LRRC9: variants seen among roughly 807,000 people sequenced by gnomAD.
LRRC9 encodes the protein leucine-rich repeat-containing protein 9.
A neutral mutation model predicts 63.2 loss-of-function variants in LRRC9; 122 were observed. The observed-to-expected ratio is 1.93, with a 90% CI of 1.67 to 2.24. The LOEUF (loss-of-function observed/expected upper bound fraction) is 2.24, where lower values mean the gene tolerates loss of function less well. Ranked by LOEUF, LRRC9 falls within the 30% of genes most tolerant of loss-of-function variation. The pLI, the probability that LRRC9 is intolerant of heterozygous loss-of-function variation, is 0.00. For synonymous variants in LRRC9, 366 were observed against 213.1 expected, an observed-to-expected ratio of 1.72 and a Z score of -6.25; for missense variants, 1,071 against 627.7, an observed-to-expected ratio of 1.71 and a Z score of -7.55.
chr14:59,971,983 C>T (rs549592691), intron 12 of LRRC9, among the ~76,000 whole-genome samples: 1 of 152,112 alleles, frequency 6.6e-6, no homozygotes, highest in Non-Finnish European at 1.5e-5. Flanking sequence ...TCAGTAGCTT[C>T]GCATTACATG....
In LRRC9 at chr14:59,990,475, A is replaced by G. The variant is rs2140143858; in HGVS notation, c.2211+5251A>G. 6.6e-6 allele frequency among the ~76,000 whole-genome samples: 1 copy of G among 151,992 alleles called. No homozygotes were observed. The highest frequency in any genetic ancestry group is 1.9e-4 in the East Asian group (1 of 5,176). On this transcript the variant is annotated intron_variant, in intron 17 of 31. Transcript: ENST00000445360. The surrounding 1 kb of genome is among the most constrained non-coding windows in gnomAD (Gnocchi z 4.2). ...CTGGAATGCAATGGCATAATCATAG[A>G]GTACACTGCAGCCTCAACTTCCTGG... is the stretch of plus-strand genomic sequence containing the variant.
chr14:59,986,153 A>T lies in LRRC9; in HGVS notation c.2211+929A>T, dbSNP rs1489736698. Among the ~76,000 whole-genome samples, 1 of 152,202 alleles carries T rather than the reference A, an allele frequency of 6.6e-6. No individual in the cohort carries two copies. The highest frequency in any genetic ancestry group is 1.5e-5 in the Non-Finnish European group (1 of 68,020). ...TTGTGTTTGCCTTCTTGTATATCAT[A>T]GGACAATACAGGAATGCACATGTAC... On this transcript the variant is annotated intron_variant, in intron 17 of 31. Transcript: ENST00000445360. This position sits in a 1 kb window ranked among gnomAD's most constrained non-coding sequence, Gnocchi z 4.7.
intron 24 of LRRC9, 38 bp from the exon 25 acceptor site, chr14:60,018,333 A>G (rs1171540940): frequency 2.9e-6 from 2 of 698,920 alleles, no homozygotes; most frequent in Middle Eastern, 2.3e-4. Flanking sequence ...TTCCTGTCCT[A>G]TTAAAATAAT....
chr14:59,972,107 A>G (rs1447268412), intron 12 of LRRC9, among the ~76,000 whole-genome samples: 1 of 152,090 alleles, frequency 6.6e-6, no homozygotes, highest in Non-Finnish European at 1.5e-5. Flanking sequence ...CTAATGAAGT[A>G]TGTAGTCTAC....
chr14:59,944,519 TATA>T (rs1882129223), intron 7 of LRRC9, 67 bp from the exon 8 acceptor site: 3 of 518,136 alleles, frequency 5.8e-6, no homozygotes, highest in Admixed American at 3.8e-5. Flanking sequence ...ACTGTATTTA[TATA>T]ATACCACTAA....
chr14:59,995,312 T>C (rs1888642180), intron 17 of LRRC9, among the ~76,000 whole-genome samples: 2 of 152,234 alleles, frequency 1.3e-5, no homozygotes, highest in Non-Finnish European at 2.9e-5. Context: ...ATAATTAGTG[T>C]TGACTAGGGA....
chr14:59,952,529 A>G (rs1449013335), intron 8 of LRRC9, among the ~76,000 whole-genome samples: 3 of 151,914 alleles, frequency 2.0e-5, no homozygotes, highest in Non-Finnish European at 4.4e-5. Context: ...CCTCCAATCT[A>G]TTTTCTAACA....
chr14:60,047,120 C>A (rs555844014), intron 29 of LRRC9, among the ~76,000 whole-genome samples: 1 of 152,238 alleles, frequency 6.6e-6, no homozygotes, highest in South Asian at 2.1e-4. Context: ...TATCCTGAGA[C>A]TTTGCTGAAG....
intron 12 of LRRC9, chr14:59,973,371 G>A (rs934574410): frequency 6.6e-6 from 1 of 152,018 alleles, no homozygotes; most frequent in African/African-American, 2.4e-5. Context: ...TATATCGAAT[G>A]GATATTTAGT....
At chr14:60,052,500 T>C (rs2140434558) in intron 29 of LRRC9, among the ~76,000 whole-genome samples, 1 of 152,314 alleles carries the variant, frequency 6.6e-6, no homozygotes, top group Admixed American at 6.5e-5. Context: ...ATATTGTTCG[T>C]ATTAGCAGTC....
chr14:59,975,409 T>A (rs1246313583), intron 13 of LRRC9, among the ~76,000 whole-genome samples: 2 of 151,870 alleles, frequency 1.3e-5, no homozygotes, highest in African/African-American at 4.8e-5. Flanking sequence ...AATTTTTTGA[T>A]AATTCATTCA....
At chr14:59,974,805 A>G (rs891137638) in intron 13 of LRRC9, 97 bp downstream of exon 13, 1 of 504,370 alleles carries the variant, frequency 2.0e-6, no homozygotes, top group African/African-American at 2.0e-5. Flanking sequence ...TTTATCAACC[A>G]AGGAGATGTT....
At chr14:60,034,094 C>T (rs1218616808) in intron 29 of LRRC9, among the ~76,000 whole-genome samples, 1 of 141,484 alleles carries the variant, frequency 7.1e-6, no homozygotes, top group African/African-American at 2.7e-5. Context: ...AATCTCAGCT[C>T]ACTGCAGCCT....
In LRRC9 at chr14:59,923,805, G is replaced by T. The variant is rs981648730; in HGVS notation, c.-34+3922G>T. Among the ~76,000 whole-genome samples the T allele has an allele frequency of 1.2e-4, 18 of 152,166 alleles. No individual in the cohort carries two copies. Among genetic ancestry groups the T allele is most frequent in the African/African-American group, 4.3e-4 (18 of 41,420 alleles). On this transcript the variant is annotated intron_variant, in intron 1 of 31. Coordinates refer to ENST00000445360, the Ensembl canonical transcript of LRRC9. This position sits in a 1 kb window ranked among gnomAD's most constrained non-coding sequence, Gnocchi z 4.2. ...AATACAAAAAAATTAGCCGGGCGTG[G>T]TGGCAGGCGCCTATAGTTCCAGCGA...
In LRRC9 at chr14:59,962,044, A is replaced by C. The variant is rs184602453; in HGVS notation, c.1211+999A>C. Among the ~76,000 whole-genome samples the C allele has an allele frequency of 6.9e-4, 105 of 152,306 alleles. 2 individuals are homozygous for C. Among genetic ancestry groups the C allele is most frequent in the African/African-American group, 2.4e-3 (98 of 41,566 alleles). Reference sequence around the variant, plus strand: ...CTTACACTAACTTTTTAGAAAAAAAAACTGTTATTGTTATGGGTTACTTTA... The same window carrying C: ...CTTACACTAACTTTTTAGAAAAAAACACTGTTATTGTTATGGGTTACTTTA... On this transcript the variant is annotated intron_variant, in intron 10 of 31. Coordinates refer to ENST00000445360, the Ensembl canonical transcript of LRRC9. The surrounding 1 kb of genome is among the most constrained non-coding windows in gnomAD (Gnocchi z 5.1).
At position 59,966,460 on chromosome 14, in the gene LRRC9, A is replaced by C. The variant is rs1884868477; in HGVS notation, c.1212-129A>C. The C allele has an allele frequency of 4.5e-6, 2 of 446,892 alleles. No individual in the cohort carries two copies. Among genetic ancestry groups the C allele is most frequent in the Non-Finnish European group, 7.9e-6 (2 of 252,320 alleles). 27.7% of individuals were successfully genotyped at this position (446,892 alleles called of 1,614,324 possible). On this transcript the variant is annotated intron_variant, in intron 10 of 31. Transcript: ENST00000445360. The surrounding 1 kb of genome is among the most constrained non-coding windows in gnomAD (Gnocchi z 4.0). ...AATAAATAAACGGAGCCACTATATG[A>C]TTACTGTATCTTTAGCAAAAGACAC...
At chr14:59,959,820 G>A in exon 9 of LRRC9, 1 of 606,250 alleles carries the variant, frequency 1.6e-6, no homozygotes, top group Non-Finnish European at 3.0e-6. Flanking sequence ...TTCCACAGTT[G>A]GAACGAGAAC....
In LRRC9 at chr14:59,936,601, A is replaced by G. The variant is rs1409484276; in HGVS notation, c.544-1789A>G. On this transcript the variant is annotated intron_variant, in intron 6 of 31. Coordinates refer to ENST00000445360, the Ensembl canonical transcript of LRRC9. The surrounding 1 kb of genome is among the most constrained non-coding windows in gnomAD (Gnocchi z 4.2). ...CATCTGCTAGCTCAGACTAATGGTC[A>G]AATGAAACATAGCAACCCAGTAATC... Among the ~76,000 whole-genome samples, 3 of 152,232 alleles carry G rather than the reference A, an allele frequency of 2.0e-5. No individual in the cohort carries two copies. Among genetic ancestry groups the G allele is most frequent in the Non-Finnish European group, 2.9e-5 (2 of 68,038 alleles).
intron 1 of LRRC9, chr14:59,920,483 G>C (rs1888678639): frequency 6.6e-6 from 1 of 152,442 alleles, no homozygotes; most frequent in Non-Finnish European, 1.5e-5. Context: ...CAAAGTTCAA[G>C]AGAAGGAAAG....
Sources: allele counts gnomAD v4.1 joint callset (sites outside exome capture counted in the v4.1 genomes callset), GRCh38; gene constraint gnomAD v4.1.1; non-coding constraint Gnocchi (gnomAD v3.1); transcripts MANE v1.5; gene names NCBI Gene and HGNC (gene_info 2026-07-23, HGNC 2026-07-21).